FAM83B: variants seen among roughly 807,000 people sequenced by gnomAD.
The protein encoded by FAM83B is protein FAM83B.
Under a neutral mutation model 38.8 loss-of-function variants are expected in FAM83B, and 26 were observed. The ratio of observed to expected loss-of-function variants is 0.67; its 90% CI spans 0.49 to 0.93. The LOEUF (loss-of-function observed/expected upper bound fraction) is 0.93. FAM83B is among the 40% of genes least tolerant of loss of function. FAM83B has a pLI of 0.00. For missense variants in FAM83B, 1,237 were observed against 1,197.3 expected (o/e 1.03, Z -0.49); for synonymous variants, 419 against 423.1 (o/e 0.99, Z 0.12).
intron 4 of FAM83B, among the ~76,000 whole-genome samples, chr6:54,936,233 T>C (rs1773520697): frequency 6.6e-6 from 1 of 152,116 alleles, no homozygotes; most frequent in South Asian, 2.1e-4. Context: ...TATTTTCTGA[T>C]TTACTATAGC....
chr6:54,915,754 C>T (rs1219654016), intron 2 of FAM83B, among the ~76,000 whole-genome samples: 4 of 123,788 alleles, frequency 3.2e-5, no homozygotes, highest in Non-Finnish European at 6.4e-5. Context: ...TGCAGTGAGC[C>T]GAGATTGCGC....
intron 1 of FAM83B, among the ~76,000 whole-genome samples, chr6:54,858,297 C>A (rs758519985): frequency 1.3e-5 from 2 of 152,218 alleles, no homozygotes; most frequent in East Asian, 3.9e-4. Context: ...CCCACCTATC[C>A]GACATTTTCA....
In FAM83B at chr6:54,902,073, C is replaced by T. The variant is rs151023771; in HGVS notation, c.445-24298C>T. ...TGAAGGGATTGGTGTATTGGGTCAACCATTATTTCCTATATCTCAATGTTT... is the reference window on the plus strand; with the variant it reads ...TGAAGGGATTGGTGTATTGGGTCAATCATTATTTCCTATATCTCAATGTTT... On this transcript the variant is annotated intron_variant, in intron 2 of 4. Coordinates refer to ENST00000306858, the MANE Select transcript of FAM83B (RefSeq NM_001010872.3). 6.8e-3 allele frequency among the ~76,000 whole-genome samples: 1,030 copies of T among 152,164 alleles called. 5 individuals are homozygous for T. The highest frequency in any genetic ancestry group is 0.011 in the Non-Finnish European group (742 of 68,002).
intron 1 of FAM83B, among the ~76,000 whole-genome samples, chr6:54,863,532 A>G (rs1433232553): frequency 1.5e-5 from 1 of 67,478 alleles, no homozygotes; most frequent in Non-Finnish European, 3.5e-5. Context: ...CATCTTACCA[A>G]CTATGCCGCT....
chr6:54,926,004 C>T (rs1439702719), intron 2 of FAM83B, among the ~76,000 whole-genome samples: 2 of 152,102 alleles, frequency 1.3e-5, no homozygotes, highest in Non-Finnish European at 2.9e-5. Context: ...ATCCTACTTT[C>T]CCCTGGAAAT....
intron 2 of FAM83B, among the ~76,000 whole-genome samples, chr6:54,897,925 G>A (rs995585628): frequency 6.6e-6 from 1 of 152,028 alleles, no homozygotes; most frequent in South Asian, 2.1e-4. Flanking sequence ...GAAAATACCC[G>A]AATGAATAAG....
Position 54,942,730 on chromosome 6 carries a change from TA to T in FAM83B, c.*724del, listed in dbSNP as rs1773734076. Reference sequence around the variant, plus strand: ...TCTTACCCATAGGCTGCTGATTTTTTATAGTCATTCCTTACTTCACATTTAG... The same window carrying T: ...TCTTACCCATAGGCTGCTGATTTTTTTAGTCATTCCTTACTTCACATTTAG... On this transcript the variant is annotated 3_prime_UTR_variant, in exon 5 of 5. Coordinates refer to ENST00000306858, the MANE Select transcript of FAM83B (RefSeq NM_001010872.3). Among the ~76,000 whole-genome samples, 2 of 151,864 alleles carry T rather than the reference TA, an allele frequency of 1.3e-5. No individual in the cohort carries two copies. The highest frequency in any genetic ancestry group is 1.3e-4 in the Admixed American group (2 of 15,260).
chr6:54,922,742 A>T (rs2127587545), intron 2 of FAM83B, among the ~76,000 whole-genome samples: 1 of 152,212 alleles, frequency 6.6e-6, no homozygotes, highest in Middle Eastern at 3.4e-3. Context: ...TATTTTGTTT[A>T]AACACTGTAA....
intron 2 of FAM83B, among the ~76,000 whole-genome samples, chr6:54,925,857 T>A (rs1773276179): frequency 6.6e-6 from 1 of 152,170 alleles, no homozygotes; most frequent in Non-Finnish European, 1.5e-5. Flanking sequence ...ACTGTATATT[T>A]AATTTTTTGG....
intron 1 of FAM83B, among the ~76,000 whole-genome samples, chr6:54,857,221 A>G (rs191809394): frequency 1.1e-4 from 17 of 152,280 alleles, no homozygotes; most frequent in Admixed American, 9.2e-4. Flanking sequence ...TGGAACACAC[A>G]TTTATCATTT....
At chr6:54,897,449 A>G (rs1454820155) in intron 2 of FAM83B, among the ~76,000 whole-genome samples, 3 of 152,194 alleles carry the variant, frequency 2.0e-5, no homozygotes, top group African/African-American at 7.2e-5. Flanking sequence ...CTCTATAAAT[A>G]GAATATAGGA....
intron 2 of FAM83B, among the ~76,000 whole-genome samples, chr6:54,923,564 C>T (rs1056263275): frequency 6.6e-6 from 1 of 152,090 alleles, no homozygotes; most frequent in Non-Finnish European, 1.5e-5. Context: ...AGTCTTAAAG[C>T]TAACCATCAA....
At chr6:54,851,689 C>T (rs2127571119) in intron 1 of FAM83B, among the ~76,000 whole-genome samples, 1 of 140,712 alleles carries the variant, frequency 7.1e-6, no homozygotes, top group African/African-American at 2.7e-5. Context: ...GCTCTGTCGC[C>T]CAGGCTGGAG....
chr6:54,927,656 A>T, intron 4 of FAM83B, 24 bp downstream of exon 4: 1 of 1,475,754 alleles, frequency 6.8e-7, no homozygotes, highest in Non-Finnish European at 9.1e-7. Context: ...GTTTAACTTC[A>T]GTGTTATCAA....
intron 2 of FAM83B, among the ~76,000 whole-genome samples, chr6:54,889,832 G>A (rs1021225485): frequency 6.6e-6 from 1 of 151,992 alleles, no homozygotes; most frequent in Non-Finnish European, 1.5e-5. Context: ...GACTCTATTG[G>A]AAACATAATA....
chr6:54,902,853 C>A (rs1772693486), intron 2 of FAM83B, among the ~76,000 whole-genome samples: 1 of 152,090 alleles, frequency 6.6e-6, no homozygotes, highest in Non-Finnish European at 1.5e-5. Flanking sequence ...TTGAAGGGTT[C>A]TTTAGCTTTT....
intron 2 of FAM83B, among the ~76,000 whole-genome samples, chr6:54,924,130 G>A (rs1000750159): frequency 1.3e-5 from 2 of 151,012 alleles, no homozygotes; most frequent in African/African-American, 2.4e-5. Flanking sequence ...AATGCCCTCC[G>A]GGTTCATTCA....
chr6:54,913,629 T>C (rs1032927374), intron 2 of FAM83B, among the ~76,000 whole-genome samples: 1 of 151,572 alleles, frequency 6.6e-6, no homozygotes, highest in Non-Finnish European at 1.5e-5. Flanking sequence ...GAATGTTATA[T>C]ACGAGTTAAA....
intron 1 of FAM83B, among the ~76,000 whole-genome samples, chr6:54,860,872 C>T (rs537316731): frequency 9.8e-5 from 15 of 152,310 alleles, no homozygotes; most frequent in African/African-American, 3.1e-4. Context: ...GTAAAACTCT[C>T]TTGTGTACAT....
Sources: gnomAD v4.1 joint callset for allele counts (sites outside exome capture counted in the v4.1 genomes callset) on GRCh38, gnomAD v4.1.1 for gene constraint, MANE v1.5 for transcripts, NCBI Gene and HGNC (gene_info 2026-07-23, HGNC 2026-07-21) for gene names.